The following MTA3 variants were observed in gnomAD, a reference collection of about 807,000 sequenced individuals.
The protein encoded by MTA3 is metastasis-associated protein MTA3.
Under a neutral mutation model 83.5 loss-of-function variants are expected in MTA3, and 34 were observed. The ratio of observed to expected loss-of-function variants is 0.41; its 90% CI spans 0.31 to 0.54. MTA3 has a LOEUF of 0.54. Among genes scored for constraint, MTA3 ranks in the 20% least tolerant of loss-of-function variants. MTA3 has a pLI of 0.33. For synonymous variants in MTA3, 303 were observed against 252.7 expected (o/e 1.20, Z -1.89); for missense variants, 761 against 726.4 (o/e 1.05, Z -0.55).
chr2:42,704,194 C>T lies in MTA3; in HGVS notation c.1026C>T (p.Tyr342=), dbSNP rs1042773793. 1.2e-6 allele frequency: 2 copies of T among 1,613,352 alleles called. No individual in the cohort carries two copies. The highest frequency in any genetic ancestry group is 1.7e-6 in the Non-Finnish European group (2 of 1,179,612). The change falls in exon 12 of 17, where the codon TAC becomes TAT. Residue 342 remains tyrosine (Y), a splice_region_variant and synonymous_variant. Coordinates refer to ENST00000405094, the MANE Select transcript of MTA3 (RefSeq NM_001330442.2). ...SKLKQVYIPT[Y]SKPNPNQIST... ...CACCTTATTTTAATTTCATTGAAAG[C>T]AGCAAACCAAATCCCAACCAAATAT...
At chr2:42,530,660 C>G (rs1212106381) in intron 2 of MTA3, among the ~76,000 whole-genome samples, 1 of 144,952 alleles carries the variant, frequency 6.9e-6, no homozygotes, top group Non-Finnish European at 1.5e-5. Context: ...TGGCGCATGC[C>G]TATAATCCCA....
At chr2:42,553,107 T>C (rs1344787198) in intron 2 of MTA3, among the ~76,000 whole-genome samples, 1 of 151,638 alleles carries the variant, frequency 6.6e-6, no homozygotes, top group Non-Finnish European at 1.5e-5. Flanking sequence ...GGAGACCCTG[T>C]CTCTACAAAA....
chr2:42,697,983 A>G (rs920006770), intron 11 of MTA3, 149 bp downstream of exon 11: 2 of 557,286 alleles, frequency 3.6e-6, no homozygotes, highest in Non-Finnish European at 6.3e-6. Flanking sequence ...TACCACTACA[A>G]TAAAAAGGAG....
chr2:42,745,013 C>T (rs1669310332), intron 16 of MTA3, among the ~76,000 whole-genome samples: 1 of 152,206 alleles, frequency 6.6e-6, no homozygotes, highest in Non-Finnish European at 1.5e-5. Flanking sequence ...CTCAGCCCTG[C>T]TCACTGTTTA....
chr2:42,744,170 G>T (rs1381413094), intron 16 of MTA3, among the ~76,000 whole-genome samples: 1 of 152,178 alleles, frequency 6.6e-6, no homozygotes, highest in East Asian at 1.9e-4. Flanking sequence ...CAGGCCTATT[G>T]AAGCATTGTC....
intron 8 of MTA3, among the ~76,000 whole-genome samples, chr2:42,678,272 A>G (rs980770879): frequency 6.6e-6 from 1 of 152,200 alleles, no homozygotes; most frequent in Non-Finnish European, 1.5e-5. Flanking sequence ...TGTTATGATT[A>G]TAACTCGGAA....
intron 2 of MTA3, among the ~76,000 whole-genome samples, chr2:42,572,203 T>G (rs1678567280): frequency 6.6e-6 from 1 of 151,020 alleles, no homozygotes; most frequent in African/African-American, 2.4e-5. Context: ...GGGGTGAACC[T>G]GGGGGGTGGA....
chr2:42,721,042 G>T (rs1195092553), intron 15 of MTA3, among the ~76,000 whole-genome samples: 2 of 151,502 alleles, frequency 1.3e-5, no homozygotes, highest in Admixed American at 1.3e-4. Context: ...CTCCTACTGT[G>T]GGCAAATTGG....
intron 2 of MTA3, among the ~76,000 whole-genome samples, chr2:42,577,935 T>A (rs188451538): frequency 6.6e-6 from 1 of 152,334 alleles, no homozygotes; most frequent in African/African-American, 2.4e-5. Flanking sequence ...GGCCTGTTCA[T>A]TTAGCAGATT....
intron 16 of MTA3, among the ~76,000 whole-genome samples, chr2:42,748,557 A>G (rs993722618): frequency 2.0e-5 from 3 of 152,076 alleles, no homozygotes; most frequent in African/African-American, 4.8e-5. Context: ...AATTAGTTAT[A>G]CTTCTAAAAT....
chr2:42,729,085 A>ATTTTTT (rs1668031575), intron 16 of MTA3, among the ~76,000 whole-genome samples: 1 of 16,034 alleles, frequency 6.2e-5, no homozygotes, highest in African/African-American at 2.5e-4. Flanking sequence ...TCACAGTTTG[A>ATTTTTT]GTTTTTTTTT....
chr2:42,542,208 C>G (rs1244621453), intron 2 of MTA3, among the ~76,000 whole-genome samples: 1 of 152,228 alleles, frequency 6.6e-6, no homozygotes, highest in Non-Finnish European at 1.5e-5. Flanking sequence ...GTACGCCAGT[C>G]AGCTAGGGAC....
Position 42,753,559 on chromosome 2 carries a change from GA to G in MTA3, c.*161del. 6.9e-7 allele frequency: 1 copy of G among 1,451,006 alleles called. No homozygotes were observed. The highest frequency in any genetic ancestry group is 9.1e-7 in the Non-Finnish European group (1 of 1,101,082). The allele number at this position is 1,451,006 out of a possible 1,614,324, so 89.9% of individuals were successfully genotyped here. On this transcript the variant is annotated 3_prime_UTR_variant, in exon 17 of 17. Coordinates refer to ENST00000405094, the MANE Select transcript of MTA3 (RefSeq NM_001330442.2). ...CAATGGGGCGGGGAAGGAACTGTGG[GA>G]GTGCACGTTCCAAATCCTGTGTCTC... is the stretch of plus-strand genomic sequence containing the variant.
intron 4 of MTA3, among the ~76,000 whole-genome samples, chr2:42,619,766 A>G (rs1685324934): frequency 6.6e-6 from 1 of 152,178 alleles, no homozygotes; most frequent in Non-Finnish European, 1.5e-5. Context: ...CCGAGGGTTT[A>G]TGAAATCAAG....
At chr2:42,687,749 A>G (rs1168922711) in intron 9 of MTA3, among the ~76,000 whole-genome samples, 1 of 152,208 alleles carries the variant, frequency 6.6e-6, no homozygotes, top group African/African-American at 2.4e-5. Flanking sequence ...GGATTTGGAG[A>G]GCAGAAATGA....
At chr2:42,534,782 T>C (rs946318948) in intron 2 of MTA3, among the ~76,000 whole-genome samples, 10 of 152,090 alleles carry the variant, frequency 6.6e-5, no homozygotes, top group African/African-American at 2.4e-4. Context: ...ACCTAACTAT[T>C]AGCGTTGTGT....
At chr2:42,624,510 AG>A (rs113179996) in intron 4 of MTA3, among the ~76,000 whole-genome samples, 3 of 152,034 alleles carry the variant, frequency 2.0e-5, no homozygotes, top group African/African-American at 7.2e-5. Flanking sequence ...CAGTAGAGAC[AG>A]GGTTTCACCA....
chr2:42,704,966 A>G (rs1665933690), intron 12 of MTA3, among the ~76,000 whole-genome samples: 1 of 152,180 alleles, frequency 6.6e-6, no homozygotes, highest in African/African-American at 2.4e-5. Context: ...CATTGGTGAT[A>G]TTATCATCTA....
chr2:42,736,682 A>C (rs980602785), intron 16 of MTA3, among the ~76,000 whole-genome samples: 3 of 152,008 alleles, frequency 2.0e-5, no homozygotes, highest in African/African-American at 7.2e-5. Flanking sequence ...TCCTTTCCTC[A>C]AGCAGAAAGA....
Sources: allele counts gnomAD v4.1 joint callset (sites outside exome capture counted in the v4.1 genomes callset), GRCh38; gene constraint gnomAD v4.1.1; transcripts MANE v1.5; gene names NCBI Gene and HGNC (gene_info 2026-07-23, HGNC 2026-07-21).